The following KIF1C variants were observed in gnomAD, a reference collection of about 807,000 sequenced individuals.
KIF1C encodes kinesin family member 1C.
A neutral mutation model predicts 126.5 loss-of-function variants in KIF1C; 61 were observed. The ratio of observed to expected loss-of-function variants is 0.48; its 90% CI spans 0.39 to 0.60. The LOEUF (loss-of-function observed/expected upper bound fraction) is 0.60, where lower values mean the gene tolerates loss of function less well. Ranked by LOEUF, KIF1C falls within the 20% of genes least tolerant of loss-of-function variation. KIF1C has a pLI of 0.00. For missense variants in KIF1C, 1,315 were observed against 1,489.2 expected, an observed-to-expected ratio of 0.88 and a Z score of 1.93; for synonymous variants, 640 against 580.6, an observed-to-expected ratio of 1.10 and a Z score of -1.47.
chr17:5,002,791 C>CGTCT lies in KIF1C; in HGVS notation c.670_673dup (p.Phe225CysfsTer8). On this transcript the variant is annotated frameshift_variant, in exon 8 of 23. Transcript: ENST00000320785. LOFTEE classifies it high-confidence loss of function. ...GCCGTTCCCATGCCGTCTTTACCATCGTCTTCACACAGCGCTGCCATGACC... is the reference window on the plus strand; with the variant it reads ...GCCGTTCCCATGCCGTCTTTACCATCGTCTGTCTTCACACAGCGCTGCCATGACC... 1.2e-6 allele frequency: 2 copies of CGTCT among 1,613,990 alleles called. No homozygotes were observed. Among genetic ancestry groups the CGTCT allele is most frequent in the South Asian group, 2.2e-5 (2 of 91,070 alleles).
At chr17:5,019,887 C>T in intron 18 of KIF1C, 109 bp from the exon 19 acceptor site, 4 of 771,146 alleles carry the variant, frequency 5.2e-6, no homozygotes, top group Admixed American at 2.0e-5. Context: ...GGGGGTGGGA[C>T]TGGTGGTGCA....
rs943050923 is a variant in KIF1C, at chr17:5,022,951, T to C, written c.2628+242T>C. On this transcript the variant is annotated intron_variant, in intron 22 of 22. Coordinates refer to ENST00000320785, the MANE Select transcript of KIF1C (RefSeq NM_006612.6). The surrounding 1 kb of genome is among the most constrained non-coding windows in gnomAD (Gnocchi z 4.9). ...CCACATCTTTGGGGACAAATCTGCA[T>C]TTATAATAAGCTCTGGGTGTTTCTG... 4.6e-5 allele frequency among the ~76,000 whole-genome samples: 7 copies of C among 152,350 alleles called. No individual in the cohort carries two copies. Among genetic ancestry groups the C allele is most frequent in the African/African-American group, 1.7e-4 (7 of 41,582 alleles).
At chr17:5,007,125 T>A (rs1974752843) in intron 14 of KIF1C, 41 bp downstream of exon 14, 1 of 1,580,044 alleles carries the variant, frequency 6.3e-7, no homozygotes, top group Admixed American at 1.9e-5. Flanking sequence ...GTCTGGGCAT[T>A]CCTGGGAGTT....
At chr17:5,004,101 G>C (rs755674624) in intron 11 of KIF1C, 28 bp downstream of exon 11, 1 of 1,472,132 alleles carries the variant, frequency 6.8e-7, no homozygotes, top group African/African-American at 1.4e-5. Flanking sequence ...TTTCTCTGCC[G>C]ACCCTGACAC....
At chr17:5,019,909 T>C in intron 18 of KIF1C, 87 bp from the exon 19 acceptor site, 1 of 1,052,666 alleles carries the variant, frequency 9.5e-7, no homozygotes, top group Non-Finnish European at 1.4e-6. Context: ...GTGTGGTTTT[T>C]TGGGGTAAGG....
rs1975164629 is a variant in KIF1C at position 5,024,291 on chromosome 17, AAGGGGGAGACC to A, written c.*141_*151del. The A allele has an allele frequency of 9.5e-6, 6 of 631,790 alleles. No individual in the cohort carries two copies. The highest frequency in any genetic ancestry group is 1.6e-5 in the Non-Finnish European group (6 of 371,320). 39.1% of individuals were successfully genotyped at this position (631,790 alleles called of 1,614,324 possible). A position where few individuals can be genotyped will look rare whatever the true frequency, so the allele number is the denominator to read the frequency against. ...AAGGTCCGAGTAGGTGATAGAAGAC[AAGGGGGAGACC>A]GAGCCGGAGGCTGAGGAAAGGAAGA... is the stretch of plus-strand genomic sequence containing the variant. On this transcript the variant is annotated 3_prime_UTR_variant, in exon 23 of 23. Transcript: ENST00000320785.
At chr17:5,017,279 T>C (rs984663309) in intron 18 of KIF1C, among the ~76,000 whole-genome samples, 2 of 148,562 alleles carry the variant, frequency 1.3e-5, no homozygotes, top group Non-Finnish European at 3.0e-5. Flanking sequence ...GTTTAGTCCC[T>C]GTGGGCCTTG....
rs1567727789 is a variant in KIF1C at position 5,020,714 on chromosome 17, T to C, written c.1937+36T>C. 6.2e-7 allele frequency: 1 copy of C among 1,611,010 alleles called. No individual in the cohort carries two copies. On this transcript the variant is annotated intron_variant, in intron 20 of 22. Coordinates refer to ENST00000320785, the MANE Select transcript of KIF1C (RefSeq NM_006612.6). The surrounding 1 kb of genome is among the most constrained non-coding windows in gnomAD (Gnocchi z 5.8). Reference sequence around the variant, plus strand: ...GTTACCCACGTGCCCCATGGCCGTCTAGGCCGTCCCTCCCGGGCCTCTGGG... The same window carrying C: ...GTTACCCACGTGCCCCATGGCCGTCCAGGCCGTCCCTCCCGGGCCTCTGGG...
chr17:5,021,130 T>C (rs1403117602), intron 21 of KIF1C, among the ~76,000 whole-genome samples: 3 of 151,262 alleles, frequency 2.0e-5, no homozygotes, highest in Non-Finnish European at 2.9e-5. Context: ...ATTTTCACCA[T>C]ATCCAAGTAC....
chr17:5,001,010 G>A (rs1183694761), intron 4 of KIF1C, among the ~76,000 whole-genome samples, 162 bp downstream of exon 4: 2 of 152,034 alleles, frequency 1.3e-5, no homozygotes, highest in Non-Finnish European at 2.9e-5. Flanking sequence ...TGTGATTGAG[G>A]CCTCGACAGG....
intron 6 of KIF1C, 126 bp from the exon 7 acceptor site, chr17:5,002,338 T>C: frequency 9.8e-7 from 1 of 1,024,016 alleles, no homozygotes; most frequent in Non-Finnish European, 1.5e-6. Flanking sequence ...TGAGCTAGCA[T>C]CTGCAGAATG....
chr17:4,999,462 C>T (rs956403878), intron 1 of KIF1C, among the ~76,000 whole-genome samples: 2 of 152,028 alleles, frequency 1.3e-5, no homozygotes, highest in African/African-American at 2.4e-5. Flanking sequence ...CCTTTCCTCT[C>T]CCATTCTTTC....
At chr17:5,014,439 A>G (rs751296645) in intron 17 of KIF1C, 2 of 355,828 alleles carry the variant, frequency 5.6e-6, no homozygotes, top group African/African-American at 2.1e-5. Context: ...TCAGATCTCT[A>G]AACAGCTGCC....
At chr17:5,000,644 G>A (rs1793470371) in intron 3 of KIF1C, 128 bp from the exon 4 acceptor site, 2 of 892,112 alleles carry the variant, frequency 2.2e-6, no homozygotes, top group Admixed American at 4.1e-5. Context: ...GAATGTTAAA[G>A]GGGAGAGAAG....
At chr17:5,010,823 T>G in intron 16 of KIF1C, among the ~76,000 whole-genome samples, 1 of 151,756 alleles carries the variant, frequency 6.6e-6, no homozygotes, top group South Asian at 2.2e-4. Context: ...TTTATTTTAC[T>G]TTTTTGAGAT....
intron 3 of KIF1C, 72 bp from the exon 4 acceptor site, chr17:5,000,700 G>T: frequency 7.4e-7 from 1 of 1,358,440 alleles, no homozygotes; most frequent in South Asian, 1.2e-5. Context: ...TCCAGGGGCT[G>T]GTTGGGGTAT....
chr17:5,003,479 G>A, intron 8 of KIF1C, 133 bp from the exon 9 acceptor site: 1 of 620,018 alleles, frequency 1.6e-6, no homozygotes. Context: ...GTTTCCCCCG[G>A]CCTCCTCCCT....
intron 4 of KIF1C, 127 bp from the exon 5 acceptor site, chr17:5,001,095 A>G: frequency 9.7e-7 from 1 of 1,033,624 alleles, no homozygotes; most frequent in Non-Finnish European, 1.5e-6. Context: ...GACAATGATG[A>G]GGGTGGGAGG....
intron 16 of KIF1C, among the ~76,000 whole-genome samples, chr17:5,011,192 G>A (rs1157753825): frequency 1.3e-5 from 2 of 152,198 alleles, no homozygotes; most frequent in Non-Finnish European, 2.9e-5. Context: ...AAAGCCAGAA[G>A]AGAGAACTGT....
Sources: allele counts gnomAD v4.1 joint callset (sites outside exome capture counted in the v4.1 genomes callset), GRCh38; gene constraint gnomAD v4.1.1; non-coding constraint Gnocchi (gnomAD v3.1); transcripts MANE v1.5; gene names NCBI Gene and HGNC (gene_info 2026-07-23, HGNC 2026-07-21).